ACTR3B: variants seen among roughly 807,000 people sequenced by gnomAD.
The protein encoded by ACTR3B is actin related protein 3B, also known as actin-related protein 3B.
A neutral mutation model predicts 59.0 loss-of-function variants in ACTR3B; 8 were observed. The ratio of observed to expected loss-of-function variants is 0.14; its 90% CI spans 0.08 to 0.24. The LOEUF is 0.24. Among genes scored for constraint, ACTR3B ranks in the 10% least tolerant of loss-of-function variants. ACTR3B has a pLI of 1.00. For missense variants in ACTR3B, 245 were observed against 552.3 expected (o/e 0.44, Z 5.58); for synonymous variants, 148 against 197.9 (o/e 0.75, Z 2.12).
chr7:152,854,323 T>G lies in ACTR3B; in HGVS notation c.1162-135T>G. 1 of 730,522 alleles carries G rather than the reference T, an allele frequency of 1.4e-6. No individual in the cohort carries two copies. The highest frequency in any genetic ancestry group is 2.4e-6 in the Non-Finnish European group (1 of 421,870). 45.3% of individuals were successfully genotyped at this position (730,522 alleles called of 1,614,324 possible). The stretch of plus-strand genomic sequence containing the variant: ...TTAGTAGTTTAGTACATCAGAGAGG[T>G]AAAATCTTGCAGCAGCGGTCCTGGG... On this transcript the variant is annotated intron_variant, in intron 11 of 11. Coordinates refer to ENST00000256001, the MANE Select transcript of ACTR3B (RefSeq NM_020445.6). The surrounding 1 kb of genome is among the most constrained non-coding windows in gnomAD (Gnocchi z 4.9).
At chr7:152,833,286 T>C (rs541377009) in intron 9 of ACTR3B, among the ~76,000 whole-genome samples, 1 of 152,356 alleles carries the variant, frequency 6.6e-6, no homozygotes, top group African/African-American at 2.4e-5. Context: ...ACCTGGAGAT[T>C]GGCTTGGATT....
intron 9 of ACTR3B, among the ~76,000 whole-genome samples, chr7:152,839,188 C>T (rs553897806): frequency 0.02 from 2,946 of 145,854 alleles, 85 homozygotes; most frequent in African/African-American, 0.073. Context: ...AGGTGGGGTC[C>T]GAATTCTGTG....
intron 10 of ACTR3B, among the ~76,000 whole-genome samples, chr7:152,852,947 A>G (rs1798941477): frequency 6.6e-6 from 1 of 151,972 alleles, no homozygotes; most frequent in Non-Finnish European, 1.5e-5. Context: ...GCCCGCCACC[A>G]AGCCCGGCTA....
At chr7:152,774,556 A>G (rs2098132033) in intron 1 of ACTR3B, among the ~76,000 whole-genome samples, 1 of 152,216 alleles carries the variant, frequency 6.6e-6, no homozygotes, top group South Asian at 2.1e-4. Flanking sequence ...TTAAACAGTT[A>G]AAACACTTTT....
At chr7:152,825,145 A>G in intron 9 of ACTR3B, 23 bp downstream of exon 9, 2 of 1,604,910 alleles carry the variant, frequency 1.2e-6, no homozygotes, top group Non-Finnish European at 1.7e-6. Context: ...TGGGTAAGGT[A>G]CTTTGATTTC....
intron 1 of ACTR3B, among the ~76,000 whole-genome samples, chr7:152,763,313 CAAAAAA>C (rs925259822): frequency 9.1e-3 from 185 of 20,436 alleles, no homozygotes; most frequent in Non-Finnish European, 0.016. Flanking sequence ...GACTCCATCT[CAAAAAA>C]AAAAAAAAAA....
intron 1 of ACTR3B, among the ~76,000 whole-genome samples, chr7:152,773,669 CA>C (rs1034680112): frequency 8.6e-5 from 13 of 150,888 alleles, no homozygotes; most frequent in African/African-American, 2.4e-5. Context: ...GATTGCAAAA[CA>C]AAAAAAAATT....
rs1400347234 is a variant in ACTR3B, at chr7:152,840,494, C to T, written c.952-11632C>T. Among the ~76,000 whole-genome samples the T allele has an allele frequency of 5.3e-5, 8 of 152,210 alleles. No individual in the cohort carries two copies. In the East Asian group the frequency reaches 1.6e-3, roughly 30 times the overall value. Reference sequence around the variant, plus strand: ...GTTTGCTGCTTCTTTCAGGCCCCAGCACCAGACAGCGGGGGGAGTGTGAGG... The same window carrying T: ...GTTTGCTGCTTCTTTCAGGCCCCAGTACCAGACAGCGGGGGGAGTGTGAGG... On this transcript the variant is annotated intron_variant, in intron 9 of 11. Transcript: ENST00000256001.
intron 1 of ACTR3B, among the ~76,000 whole-genome samples, chr7:152,766,199 G>C (rs2462115): frequency 3.3e-5 from 5 of 152,246 alleles, no homozygotes; most frequent in African/African-American, 7.2e-5. Flanking sequence ...GTGGAGCCTA[G>C]AGGAAACCGG....
intron 9 of ACTR3B, among the ~76,000 whole-genome samples, chr7:152,831,634 G>A (rs1243400682): frequency 5.3e-5 from 8 of 152,268 alleles, no homozygotes; most frequent in Admixed American, 5.2e-4. Context: ...GAAGGCTGGT[G>A]TGACCTGGTC....
chr7:152,763,844 A>G (rs2098099006), intron 1 of ACTR3B, among the ~76,000 whole-genome samples: 3 of 152,322 alleles, frequency 2.0e-5, no homozygotes, highest in Admixed American at 6.5e-5. Context: ...GAACTTATCC[A>G]TAGGCCTCAT....
intron 9 of ACTR3B, among the ~76,000 whole-genome samples, chr7:152,834,431 A>T (rs1368935146): frequency 6.6e-6 from 1 of 152,152 alleles, no homozygotes; most frequent in African/African-American, 2.4e-5. Flanking sequence ...TGGGATTACA[A>T]GTGTGAGCCA....
At chr7:152,767,203 T>C (rs1366960573) in intron 1 of ACTR3B, among the ~76,000 whole-genome samples, 1 of 152,046 alleles carries the variant, frequency 6.6e-6, no homozygotes, top group Non-Finnish European at 1.5e-5. Context: ...TCCACTTTTG[T>C]GTGTGTGTGG....
intron 9 of ACTR3B, among the ~76,000 whole-genome samples, chr7:152,847,540 C>T (rs1474106416): frequency 6.6e-6 from 1 of 152,204 alleles, no homozygotes; most frequent in Non-Finnish European, 1.5e-5. Context: ...CCCCCTCCTG[C>T]CTGCTTGCCT....
Position 152,800,581 on chromosome 7 carries a change from G to T in ACTR3B, c.151G>T (p.Val51Leu). 1 of 1,614,146 alleles carries T rather than the reference G, an allele frequency of 6.2e-7. No homozygotes were observed. Among genetic ancestry groups the T allele is most frequent in the Non-Finnish European group, 8.5e-7 (1 of 1,179,992 alleles). The change falls in exon 3 of 12, where the codon GTG becomes TTG. Residue 51 changes from valine (V) to leucine (L), a missense_variant. Val to Leu is a conservative substitution (Grantham distance 32, BLOSUM62 1). Coordinates refer to ENST00000256001, the MANE Select transcript of ACTR3B (RefSeq NM_020445.6). ...AKVVDQAQRRVLRGVDDLDFF... is the reference protein window; with the variant it reads ...AKVVDQAQRRLLRGVDDLDFF... ...GGTAGTTGACCAAGCTCAAAGGAGA[G>T]TGTTGAGGGGAGTTGATGACCTTGA...
chr7:152,826,435 T>C (rs1796580552), intron 9 of ACTR3B, among the ~76,000 whole-genome samples: 1 of 152,018 alleles, frequency 6.6e-6, no homozygotes, highest in African/African-American at 2.4e-5. Context: ...TTAAAATTTT[T>C]TTCTGTTTAG....
intron 2 of ACTR3B, among the ~76,000 whole-genome samples, chr7:152,790,974 A>G (rs113054184): frequency 6.7e-6 from 1 of 148,468 alleles, no homozygotes; most frequent in Non-Finnish European, 1.5e-5. Context: ...CCCAAACACA[A>G]TTTTTTTTGA....
intron 1 of ACTR3B, among the ~76,000 whole-genome samples, chr7:152,768,090 G>A (rs1217998687): frequency 6.6e-6 from 1 of 152,226 alleles, no homozygotes; most frequent in Non-Finnish European, 1.5e-5. Context: ...GGGCGTGGTG[G>A]CACACGCCTG....
intron 1 of ACTR3B, among the ~76,000 whole-genome samples, chr7:152,769,869 TA>T (rs5888484): frequency 0.45 from 63,355 of 139,288 alleles, 14,154 homozygotes; most frequent in Non-Finnish European, 0.52. Context: ...ATCTGATTTG[TA>T]AAAAAAAAAA....
Sources: gnomAD v4.1 joint callset for allele counts (sites outside exome capture counted in the v4.1 genomes callset) on GRCh38, gnomAD v4.1.1 for gene constraint, Gnocchi (gnomAD v3.1) non-coding constraint, MANE v1.5 for transcripts, NCBI Gene and HGNC (gene_info 2026-07-23, HGNC 2026-07-21) for gene names.